CHD6: variants seen among roughly 807,000 people sequenced by gnomAD.
CHD6 encodes ATP-dependent chromatin remodeler CHD6.
CHD6 carries 50 observed loss-of-function variants against 276.9 expected under a neutral mutation model. That is an observed-to-expected ratio of 0.18 (90% CI 0.14 to 0.23). The LOEUF (loss-of-function observed/expected upper bound fraction) is 0.23. Ranked by LOEUF, CHD6 falls within the 10% of genes least tolerant of loss-of-function variation. The probability of loss-of-function intolerance (pLI) is 1.00; values close to 1 mark genes in which losing one functional copy is unlikely to be tolerated. For missense variants in CHD6, 2,564 were observed against 3,365.8 expected (o/e 0.76, Z 5.89); for synonymous variants, 1,173 against 1,229.3 (o/e 0.95, Z 0.96).
At chr20:41,483,552 A>G (rs748741920) in intron 15 of CHD6, 33 bp from the exon 16 acceptor site, 1 of 1,471,990 alleles carries the variant, frequency 6.8e-7, no homozygotes, top group East Asian at 2.3e-5. Context: ...TATTCCTCGG[A>G]CAGAATATAA....
At chr20:41,463,463 T>C (rs1238159550) in intron 17 of CHD6, among the ~76,000 whole-genome samples, 4 of 152,218 alleles carry the variant, frequency 2.6e-5, no homozygotes, top group Non-Finnish European at 5.9e-5. Context: ...CAGATATCAC[T>C]GTACTAAGTG....
chr20:41,495,058 C>T (rs1311696786), intron 8 of CHD6, among the ~76,000 whole-genome samples: 3 of 151,186 alleles, frequency 2.0e-5, no homozygotes, highest in Non-Finnish European at 4.4e-5. Flanking sequence ...AAAAAAAACC[C>T]AGTTTGTTCA....
chr20:41,587,012 C>G (rs1196933969), intron 1 of CHD6, among the ~76,000 whole-genome samples: 1 of 152,034 alleles, frequency 6.6e-6, no homozygotes, highest in African/African-American at 2.4e-5. Flanking sequence ...AAAGAGTAAA[C>G]AGGAAGAAAT....
At chr20:41,435,772 T>C (rs939446481) in intron 27 of CHD6, among the ~76,000 whole-genome samples, 1 of 152,096 alleles carries the variant, frequency 6.6e-6, no homozygotes, top group African/African-American at 2.4e-5. Context: ...AACATTTATA[T>C]GGAAAGGCAA....
chr20:41,493,441 A>C, intron 10 of CHD6, 97 bp downstream of exon 10: 1 of 1,254,694 alleles, frequency 8.0e-7, no homozygotes, highest in Non-Finnish European at 1.1e-6. Context: ...AATACCACAG[A>C]AACCACCTAG....
intron 29 of CHD6, among the ~76,000 whole-genome samples, chr20:41,424,375 T>C (rs900899571): frequency 6.6e-6 from 1 of 152,196 alleles, no homozygotes; most frequent in Non-Finnish European, 1.5e-5. Flanking sequence ...GAGGGGCTCC[T>C]GGGCAGGGTG....
At chr20:41,554,734 A>G (rs2045196131) in intron 1 of CHD6, among the ~76,000 whole-genome samples, 1 of 151,708 alleles carries the variant, frequency 6.6e-6, no homozygotes, top group African/African-American at 2.4e-5. Flanking sequence ...CAGGATAAGA[A>G]TTTTTCTTAG....
Position 41,512,830 on chromosome 20 carries a change from C to T in CHD6, c.852+16G>A. 1 of 1,613,830 alleles carries T rather than the reference C, an allele frequency of 6.2e-7. No individual in the cohort carries two copies. Among genetic ancestry groups the T allele is most frequent in the Non-Finnish European group, 8.5e-7 (1 of 1,179,766 alleles). On this transcript the variant is annotated intron_variant, in intron 5 of 36. Transcript: ENST00000373233. The stretch of plus-strand genomic sequence containing the variant: ...ACTGTCCAGCCAAGGTCAGTAACCT[C>T]ATGCAAAGGCCATACCTCCGCCTGC...
At chr20:41,552,841 C>A (rs1313804096) in intron 1 of CHD6, among the ~76,000 whole-genome samples, 2 of 152,048 alleles carry the variant, frequency 1.3e-5, no homozygotes, top group Non-Finnish European at 2.9e-5. Flanking sequence ...CAGGCATGAT[C>A]GGGTGCTAAG....
intron 3 of CHD6, among the ~76,000 whole-genome samples, chr20:41,517,298 G>C (rs1421498719): frequency 6.6e-6 from 1 of 152,132 alleles, no homozygotes. Flanking sequence ...GATGGGAGCA[G>C]GTAGAGGATC....
intron 23 of CHD6, among the ~76,000 whole-genome samples, chr20:41,450,003 G>A (rs1474003822): frequency 1.3e-5 from 2 of 152,154 alleles, no homozygotes; most frequent in African/African-American, 4.8e-5. Flanking sequence ...GCTTACTGCT[G>A]TCTCTGAAGA....
At chr20:41,437,069 T>C (rs576143667) in intron 27 of CHD6, among the ~76,000 whole-genome samples, 29 of 152,374 alleles carry the variant, frequency 1.9e-4, no homozygotes, top group African/African-American at 6.5e-4. Flanking sequence ...TTCTGAAATA[T>C]ACAGTTATCT....
intron 4 of CHD6, 130 bp downstream of exon 4, chr20:41,514,673 CAA>C: frequency 9.8e-7 from 1 of 1,021,466 alleles, no homozygotes; most frequent in South Asian, 1.8e-5. Context: ...GCTCACCCAC[CAA>C]AACGGTAAAA....
intron 1 of CHD6, among the ~76,000 whole-genome samples, chr20:41,573,767 A>AT (rs1421371260): frequency 2.0e-5 from 3 of 152,224 alleles, no homozygotes; most frequent in Non-Finnish European, 4.4e-5. Context: ...TTGACAATCT[A>AT]TTTCATAAAG....
At chr20:41,444,530 AT>A (rs1310734783) in intron 25 of CHD6, among the ~76,000 whole-genome samples, 1 of 152,230 alleles carries the variant, frequency 6.6e-6, no homozygotes, top group East Asian at 1.9e-4. Context: ...TGAAGCCTGC[AT>A]TCTCAATACC....
intron 24 of CHD6, among the ~76,000 whole-genome samples, chr20:41,446,271 C>T (rs1170550697): frequency 2.0e-5 from 3 of 152,110 alleles, no homozygotes; most frequent in Non-Finnish European, 1.5e-5. Flanking sequence ...TGGAACAAGT[C>T]GGTATATCAG....
At chr20:41,566,707 T>C (rs1051522364) in intron 1 of CHD6, among the ~76,000 whole-genome samples, 5 of 152,166 alleles carry the variant, frequency 3.3e-5, no homozygotes, top group Non-Finnish European at 7.3e-5. Flanking sequence ...CTGCCTCCCA[T>C]AGACCCTGGA....
At chr20:41,488,943 C>T (rs2043484389) in intron 12 of CHD6, among the ~76,000 whole-genome samples, 1 of 152,300 alleles carries the variant, frequency 6.6e-6, no homozygotes, top group East Asian at 1.9e-4. Context: ...GCCAGGAGTC[C>T]ATCTAAACCA....
At chr20:41,513,410 T>G (rs150587403) in intron 4 of CHD6, among the ~76,000 whole-genome samples, 1 of 152,226 alleles carries the variant, frequency 6.6e-6, no homozygotes, top group African/African-American at 2.4e-5. Flanking sequence ...GATGACAGTT[T>G]TATTGTTTTT....
Sources: allele counts gnomAD v4.1 joint callset (sites outside exome capture counted in the v4.1 genomes callset), GRCh38; gene constraint gnomAD v4.1.1; transcripts MANE v1.5; gene names NCBI Gene and HGNC (gene_info 2026-07-23, HGNC 2026-07-21).